The following ASIC2 variants were observed in gnomAD, a reference collection of about 807,000 sequenced individuals.
The protein encoded by ASIC2 is acid-sensing ion channel 2.
ASIC2 carries 25 observed loss-of-function variants against 57.3 expected under a neutral mutation model. The observed-to-expected ratio is 0.44, with a 90% CI of 0.32 to 0.61. The LOEUF is 0.61. ASIC2 is among the 20% of genes least tolerant of loss of function. The pLI is 0.06. For missense variants in ASIC2, 641 were observed against 738.1 expected, an observed-to-expected ratio of 0.87 and a Z score of 1.52; for synonymous variants, 319 against 307.5, an observed-to-expected ratio of 1.04 and a Z score of -0.39.
At chr17:33,905,015 C>T (rs1402313663) in intron 1 of ASIC2, among the ~76,000 whole-genome samples, 1 of 152,058 alleles carries the variant, frequency 6.6e-6, no homozygotes, top group Non-Finnish European at 1.5e-5. Flanking sequence ...AGAGGGGAAT[C>T]GCCTCAAATG....
At chr17:33,449,865 C>G (rs935539259) in intron 1 of ASIC2, among the ~76,000 whole-genome samples, 2 of 151,998 alleles carry the variant, frequency 1.3e-5, no homozygotes, top group Non-Finnish European at 2.9e-5. Context: ...ACCTCTGCTT[C>G]CCAGGTTCAA....
At chr17:33,053,134 C>G (rs1397502843) in intron 3 of ASIC2, among the ~76,000 whole-genome samples, 2 of 152,186 alleles carry the variant, frequency 1.3e-5, no homozygotes, top group African/African-American at 4.8e-5. Flanking sequence ...ATTGTCACAA[C>G]AGTTAGCCTC....
intron 1 of ASIC2, among the ~76,000 whole-genome samples, chr17:34,131,296 G>A (rs1911949212): frequency 6.8e-6 from 1 of 146,184 alleles, no homozygotes; most frequent in African/African-American, 2.4e-5. Context: ...GGGAATAATG[G>A]GGATGGAAGA....
chr17:33,417,239 G>T (rs905652933), intron 1 of ASIC2, among the ~76,000 whole-genome samples: 2 of 152,142 alleles, frequency 1.3e-5, no homozygotes, highest in Admixed American at 6.5e-5. Context: ...ATTCCCAGGG[G>T]TTATAAAATC....
At chr17:33,926,132 T>C (rs1597932977) in intron 1 of ASIC2, among the ~76,000 whole-genome samples, 2 of 152,326 alleles carry the variant, frequency 1.3e-5, no homozygotes, top group Non-Finnish European at 1.5e-5. Flanking sequence ...CCTGAAAGTT[T>C]GTGTCCTCTT....
At chr17:33,405,484 TTTC>T (rs1168548069) in intron 1 of ASIC2, among the ~76,000 whole-genome samples, 79 of 104,562 alleles carry the variant, frequency 7.6e-4, no homozygotes, top group African/African-American at 3.3e-3. Flanking sequence ...TTCTTTTTTC[TTTC>T]TTTTTTTTTT....
At chr17:33,533,655 T>C (rs1202538993) in intron 1 of ASIC2, 3 of 152,192 alleles carry the variant, frequency 2.0e-5, no homozygotes, top group African/African-American at 7.2e-5. Context: ...GGAATCAAAA[T>C]TTCAGAGTTG....
At chr17:33,423,037 T>C (rs1486777686) in intron 1 of ASIC2, among the ~76,000 whole-genome samples, 1 of 152,120 alleles carries the variant, frequency 6.6e-6, no homozygotes, top group East Asian at 1.9e-4. Flanking sequence ...CTTTTAGCTG[T>C]AGTGGGGAGG....
At chr17:33,619,884 G>A (rs1347022568) in intron 1 of ASIC2, among the ~76,000 whole-genome samples, 1 of 152,104 alleles carries the variant, frequency 6.6e-6, no homozygotes, top group Non-Finnish European at 1.5e-5. Flanking sequence ...CAAGGTAGAG[G>A]TGACATTTTA....
At chr17:33,826,446 G>C (rs371605000) in intron 1 of ASIC2, among the ~76,000 whole-genome samples, 1 of 152,176 alleles carries the variant, frequency 6.6e-6, no homozygotes, top group African/African-American at 2.4e-5. Flanking sequence ...CCATATGCGA[G>C]GTCCCGTGAT....
At chr17:33,799,398 CTTTCT>C (rs1304811370) in intron 1 of ASIC2, among the ~76,000 whole-genome samples, 36 of 49,830 alleles carry the variant, frequency 7.2e-4, no homozygotes, top group African/African-American at 1.7e-3. Context: ...TTCTTTCTTT[CTTTCT>C]TTTCTTTCTT....
At chr17:33,217,575 A>G (rs543532459) in intron 1 of ASIC2, among the ~76,000 whole-genome samples, 2 of 152,140 alleles carry the variant, frequency 1.3e-5, no homozygotes, top group East Asian at 3.9e-4. Context: ...TTCTGTGTCC[A>G]CCACTCCCCC....
chr17:33,028,457 TACTC>T (rs1186665549), intron 3 of ASIC2, 65 bp from the exon 4 acceptor site: 137 of 1,577,260 alleles, frequency 8.7e-5, no homozygotes, highest in African/African-American at 1.8e-4. Flanking sequence ...TTCATTTACT[TACTC>T]AATCAACAAA....
rs1267074928 is a variant in ASIC2, at chr17:34,042,388, TTACA to T, written c.555+113586_555+113589del. Among the ~76,000 whole-genome samples, 7 of 152,020 alleles carry T rather than the reference TTACA, an allele frequency of 4.6e-5. 1 individual carries two copies. The highest frequency in any genetic ancestry group is 2.6e-4 in the Admixed American group (4 of 15,250). ...CTCAACAATAAAAAAGAACAAATAA[TTACA>T]TACATAAACAGGAATAAATTTCAAA... On this transcript the variant is annotated intron_variant, in intron 1 of 9. Transcript: ENST00000359872.
intron 1 of ASIC2, among the ~76,000 whole-genome samples, chr17:33,407,712 G>T (rs1384733837): frequency 2.0e-5 from 3 of 152,238 alleles, no homozygotes; most frequent in South Asian, 4.1e-4. Flanking sequence ...GGGAAAATTA[G>T]ATTGGATAAA....
chr17:33,409,706 G>A (rs901759070), intron 1 of ASIC2, among the ~76,000 whole-genome samples: 1 of 152,182 alleles, frequency 6.6e-6, no homozygotes, highest in Admixed American at 6.5e-5. Context: ...AGGAGGCCGA[G>A]GGAGCTGGAC....
At chr17:33,413,457 T>C (rs1233165995) in intron 1 of ASIC2, among the ~76,000 whole-genome samples, 1 of 152,218 alleles carries the variant, frequency 6.6e-6, no homozygotes, top group African/African-American at 2.4e-5. Flanking sequence ...CTCTCCAAGC[T>C]GCCCACTTCT....
In ASIC2 at chr17:33,092,826, C is replaced by A. The variant is rs1043004673; in HGVS notation, c.860-3836G>T. ...TGGGATATCTTTTTCTTTGTAATCA[C>A]CCCTAATGTCCCTAGCACAGTAGCT... On this transcript the variant is annotated intron_variant, in intron 2 of 9. Transcript: ENST00000225823. 3.9e-5 allele frequency among the ~76,000 whole-genome samples: 6 copies of A among 152,326 alleles called. No individual in the cohort carries two copies. The East Asian group carries it at 9.6e-4, about 24-fold the overall frequency.
chr17:33,962,439 A>G (rs375983245), intron 1 of ASIC2, among the ~76,000 whole-genome samples: 15 of 152,326 alleles, frequency 9.8e-5, no homozygotes, highest in South Asian at 6.2e-4. Context: ...CAGATGTTCC[A>G]GGAAAAGAAA....
Sources: gnomAD v4.1 joint callset for allele counts (sites outside exome capture counted in the v4.1 genomes callset) on GRCh38, gnomAD v4.1.1 for gene constraint, MANE v1.5 for transcripts, NCBI Gene and HGNC (gene_info 2026-07-23, HGNC 2026-07-21) for gene names.